NR1H4: variants seen among roughly 807,000 people sequenced by gnomAD.
NR1H4 encodes the protein bile acid receptor.
Under a neutral mutation model 58.5 loss-of-function variants are expected in NR1H4, and 23 were observed. That is an observed-to-expected ratio of 0.39 (90% CI 0.28 to 0.56). The LOEUF (loss-of-function observed/expected upper bound fraction) is 0.56. NR1H4 is among the 20% of genes least tolerant of loss of function. The pLI, the probability that NR1H4 is intolerant of heterozygous loss-of-function variation, is 0.58. For missense variants in NR1H4, 487 were observed against 576.9 expected (o/e 0.84, Z 1.60); for synonymous variants, 214 against 198.0 (o/e 1.08, Z -0.68).
At chr12:100,486,972 A>G (rs1393027239) in intron 1 of NR1H4, among the ~76,000 whole-genome samples, 4 of 152,238 alleles carry the variant, frequency 2.6e-5, no homozygotes, top group African/African-American at 9.6e-5. Context: ...CATTCAACGT[A>G]TGAAGAACTC....
At chr12:100,560,454 C>T (rs1393756213) in intron 9 of NR1H4, among the ~76,000 whole-genome samples, 3 of 152,190 alleles carry the variant, frequency 2.0e-5, no homozygotes, top group Non-Finnish European at 4.4e-5. Flanking sequence ...GACCACGAGC[C>T]CACCAGGAGG....
intron 1 of NR1H4, among the ~76,000 whole-genome samples, chr12:100,477,234 T>C (rs1953290077): frequency 6.6e-6 from 1 of 152,132 alleles, no homozygotes; most frequent in East Asian, 1.9e-4. Context: ...GACACTAATA[T>C]AATGCAACTT....
intron 10 of NR1H4, 34 bp downstream of exon 10, chr12:100,562,032 AT>A: frequency 3.8e-6 from 4 of 1,061,748 alleles, no homozygotes; most frequent in Non-Finnish European, 4.4e-6. Context: ...TTTTTATGCC[AT>A]TTTTTTCAGT....
chr12:100,490,666 A>T (rs1953586380), intron 1 of NR1H4, among the ~76,000 whole-genome samples: 1 of 152,212 alleles, frequency 6.6e-6, no homozygotes, highest in South Asian at 2.1e-4. Context: ...TAGTATCATG[A>T]TTCATATATG....
At chr12:100,562,547 A>G (rs934017716) in intron 10 of NR1H4, among the ~76,000 whole-genome samples, 1 of 152,194 alleles carries the variant, frequency 6.6e-6, no homozygotes, top group Non-Finnish European at 1.5e-5. Flanking sequence ...AGTCATTAAA[A>G]AATTACATTG....
intron 1 of NR1H4, among the ~76,000 whole-genome samples, chr12:100,486,000 T>C (rs1448227459): frequency 2.6e-5 from 4 of 152,230 alleles, no homozygotes; most frequent in Non-Finnish European, 4.4e-5. Context: ...GGTGAACTTT[T>C]TTTGTACATG....
chr12:100,511,289 T>C (rs1954108786), intron 4 of NR1H4, 146 bp downstream of exon 4: 5 of 950,410 alleles, frequency 5.3e-6, no homozygotes, highest in East Asian at 4.9e-5. Flanking sequence ...CTCACCTTTG[T>C]TGTGTAGTCA....
intron 9 of NR1H4, among the ~76,000 whole-genome samples, chr12:100,551,841 A>G (rs1159827312): frequency 6.6e-6 from 1 of 152,248 alleles, no homozygotes; most frequent in Non-Finnish European, 1.5e-5. Flanking sequence ...CAACCTTTGT[A>G]TATAACCTAT....
At chr12:100,518,771 C>T (rs1954331843) in intron 4 of NR1H4, among the ~76,000 whole-genome samples, 1 of 150,072 alleles carries the variant, frequency 6.7e-6, no homozygotes, top group Non-Finnish European at 1.5e-5. Context: ...TTGCTGAACA[C>T]TGTTCTTGAC....
chr12:100,505,710 T>TA lies in NR1H4; in HGVS notation c.80-5065dup. 3 of 638,902 alleles carry TA rather than the reference T, an allele frequency of 4.7e-6. No homozygotes were observed. In the African/African-American group the frequency reaches 5.5e-5, roughly 12 times the overall value. The allele number at this position is 638,902 out of a possible 1,614,324, so 39.6% of individuals were successfully genotyped here. On this transcript the variant is annotated intron_variant, in intron 3 of 10. Coordinates refer to ENST00000392986, the MANE Select transcript of NR1H4 (RefSeq NM_001206979.2). The stretch of plus-strand genomic sequence containing the variant: ...AGGCTAATTCCAAAATAAAGATTCC[T>TA]AAATCTAAATTTTAATATGTATTTT...
chr12:100,548,485 A>G (rs1955131969), intron 9 of NR1H4, among the ~76,000 whole-genome samples: 1 of 152,088 alleles, frequency 6.6e-6, no homozygotes, highest in South Asian at 2.1e-4. Context: ...TCTCATCAGA[A>G]TATCTCCTCA....
At chr12:100,556,820 A>G (rs981036030) in intron 9 of NR1H4, among the ~76,000 whole-genome samples, 57 of 152,338 alleles carry the variant, frequency 3.7e-4, no homozygotes, top group African/African-American at 1.4e-3. Flanking sequence ...CTTCCTGCAC[A>G]GGATTGTTGT....
chr12:100,548,183 T>C (rs1487503390), intron 9 of NR1H4, among the ~76,000 whole-genome samples: 11 of 149,474 alleles, frequency 7.4e-5, no homozygotes, highest in Non-Finnish European at 1.0e-4. Flanking sequence ...CTGGCTAACA[T>C]GGTGAAACCC....
At position 100,560,450 on chromosome 12, in the gene NR1H4, G is replaced by A. The variant is rs145080759; in HGVS notation, c.1079-1435G>A. Among the ~76,000 whole-genome samples the A allele has an allele frequency of 5.7e-3, 871 of 152,178 alleles. 12 individuals carry two copies. The highest frequency in any genetic ancestry group is 0.02 in the African/African-American group (833 of 41,522). On this transcript the variant is annotated intron_variant, in intron 9 of 10. Coordinates refer to ENST00000392986, the MANE Select transcript of NR1H4 (RefSeq NM_001206979.2). ...TCACTCCTGAACCCAGCGAGACCAC[G>A]AGCCCACCAGGAGGAATAAACAACT...
chr12:100,494,516 T>C (rs370770550), intron 3 of NR1H4, among the ~76,000 whole-genome samples: 3 of 152,250 alleles, frequency 2.0e-5, no homozygotes, highest in South Asian at 4.1e-4. Context: ...AAAACAGATG[T>C]TGATCCGTAA....
In NR1H4 at chr12:100,542,235, T is replaced by C. The variant is rs550994322; in HGVS notation, c.1078+1417T>C. 5.3e-5 allele frequency among the ~76,000 whole-genome samples: 8 copies of C among 152,248 alleles called. No homozygotes were observed. In the South Asian group the frequency reaches 1.7e-3, roughly 32 times the overall value. On this transcript the variant is annotated intron_variant, in intron 9 of 10. Transcript: ENST00000392986. ...GGTAGTACGTGCCTGTAATCCCAGT[T>C]ACTCAGGAAGCTGAGGCAGGAGAAT...
At chr12:100,556,484 A>C (rs1011507609) in intron 9 of NR1H4, among the ~76,000 whole-genome samples, 6 of 151,736 alleles carry the variant, frequency 4.0e-5, no homozygotes, top group Non-Finnish European at 7.4e-5. Context: ...AAAAAAAACA[A>C]AAAACAAAAA....
rs200146597 is a variant in NR1H4 at position 100,511,000 on chromosome 12, C to T, written c.302C>T (p.Thr101Ile). The T allele has an allele frequency of 4.9e-5, 79 of 1,614,228 alleles. No individual in the cohort carries two copies. In the Admixed American group the frequency reaches 1.2e-3, roughly 26 times the overall value. ...MPAETLYQGE[T>I]EVAEMPVTKK... Reference sequence around the variant, plus strand: ...GCTGAGACTCTCTACCAGGGAGAAACTGAGGTAGCAGAGATGCCTGTAACA... The same window carrying T: ...GCTGAGACTCTCTACCAGGGAGAAATTGAGGTAGCAGAGATGCCTGTAACA... Residue 101 changes from threonine (T) to isoleucine (I), a missense_variant, in exon 4 of 11, where the codon ACT becomes ATT. By Grantham distance (89) the Thr-to-Ile change is moderately conservative (BLOSUM62 -1). Transcript: ENST00000392986.
At chr12:100,543,559 TTGTGTGTGTG>T (rs60277729) in intron 9 of NR1H4, among the ~76,000 whole-genome samples, 2 of 145,636 alleles carry the variant, frequency 1.4e-5, no homozygotes, top group Admixed American at 6.9e-5. Context: ...TCTGGACAGA[TTGTGTGTGTG>T]TGTGTGTGTG....
Sources: gnomAD v4.1 joint callset for allele counts (sites outside exome capture counted in the v4.1 genomes callset) on GRCh38, gnomAD v4.1.1 for gene constraint, MANE v1.5 for transcripts, NCBI Gene and HGNC (gene_info 2026-07-23, HGNC 2026-07-21) for gene names.